Variants in SLC25A26 observed in about 807,000 individuals in gnomAD.
SLC25A26 encodes the protein mitochondrial S-adenosylmethionine carrier protein.
In SLC25A26, 36 loss-of-function variants were observed where a neutral mutation model predicts 37.8. That is an observed-to-expected ratio of 0.95 (90% CI 0.73 to 1.26). SLC25A26 has a LOEUF of 1.26. SLC25A26 is among the 50% of genes most tolerant of loss of function. The pLI is 0.00. For synonymous variants in SLC25A26, 129 were observed against 122.5 expected, an observed-to-expected ratio of 1.05 and a Z score of -0.35; for missense variants, 390 against 331.1, an observed-to-expected ratio of 1.18 and a Z score of -1.38.
chr3:66,174,828 C>G (rs1268293336), intron 1 of SLC25A26, among the ~76,000 whole-genome samples: 1 of 150,380 alleles, frequency 6.6e-6, no homozygotes, highest in Non-Finnish European at 1.5e-5. Flanking sequence ...AAAAAATGCG[C>G]TATGAAAAGT....
At chr3:66,334,386 C>G (rs1453464581) in intron 5 of SLC25A26, among the ~76,000 whole-genome samples, 1 of 152,140 alleles carries the variant, frequency 6.6e-6, no homozygotes, top group Admixed American at 6.5e-5. Context: ...ATGATCTCGG[C>G]TCAGTGCAGC....
Position 66,145,056 on chromosome 3 carries a change from TA to T in SLC25A26, c.-354+11074del, listed in dbSNP as rs572419604. ...ATGATGCATGCCAGAAGAAATCCCT[TA>T]AGAATTACTGTAAAATCAATGGATT... On this transcript the variant is annotated intron_variant, in intron 1 of 10. Transcript: ENST00000676754. Among the ~76,000 whole-genome samples, 55 of 152,238 alleles carry T rather than the reference TA, an allele frequency of 3.6e-4. No individual in the cohort carries two copies. In the South Asian group the frequency reaches 6.6e-3, roughly 18 times the overall value.
chr3:66,311,943 T>C (rs2075390519), intron 5 of SLC25A26, among the ~76,000 whole-genome samples: 1 of 151,812 alleles, frequency 6.6e-6, no homozygotes, highest in South Asian at 2.1e-4. Flanking sequence ...TCCTGGGAGG[T>C]GTCTCCCCAT....
intron 5 of SLC25A26, among the ~76,000 whole-genome samples, chr3:66,312,493 G>A (rs972979705): frequency 6.0e-5 from 9 of 149,900 alleles, no homozygotes; most frequent in Non-Finnish European, 1.0e-4. Flanking sequence ...GGAGTAAACA[G>A]TTCTGTCTCA....
At chr3:66,143,654 T>G (rs1576592675) in intron 1 of SLC25A26, among the ~76,000 whole-genome samples, 1 of 151,958 alleles carries the variant, frequency 6.6e-6, no homozygotes, top group South Asian at 2.1e-4. Context: ...GAGGCCAAGG[T>G]GGGTAGATTG....
chr3:66,211,349 C>T (rs1156307047), intron 1 of SLC25A26, among the ~76,000 whole-genome samples: 5 of 152,126 alleles, frequency 3.3e-5, no homozygotes, highest in African/African-American at 9.7e-5. Context: ...TGCCCTGAAG[C>T]TCTTTGGAAG....
intron 1 of SLC25A26, among the ~76,000 whole-genome samples, chr3:66,138,859 ATG>A (rs2069991012): frequency 6.6e-6 from 1 of 152,142 alleles, no homozygotes; most frequent in Non-Finnish European, 1.5e-5. Flanking sequence ...TGTGTGATTA[ATG>A]TGAATAGTAA....
rs543299677 is a variant in SLC25A26 at position 66,351,455 on chromosome 3, G to A, written c.498+5047G>A. ...TTCTGGCAGCCCAACAAGAAGAGAAGCATGATAGATTTCATGGTTTTTATT... is the reference window on the plus strand; with the variant it reads ...TTCTGGCAGCCCAACAAGAAGAGAAACATGATAGATTTCATGGTTTTTATT... On this transcript the variant is annotated intron_variant, in intron 6 of 9. Coordinates refer to ENST00000354883, the MANE Select transcript of SLC25A26 (RefSeq NM_001379210.1). Among the ~76,000 whole-genome samples the A allele has an allele frequency of 4.9e-4, 75 of 152,300 alleles. No individual in the cohort carries two copies. In the South Asian group the frequency reaches 0.015, roughly 30 times the overall value.
intron 1 of SLC25A26, among the ~76,000 whole-genome samples, chr3:66,234,400 G>A (rs929682947): frequency 2.0e-5 from 3 of 152,156 alleles, no homozygotes; most frequent in Non-Finnish European, 1.5e-5. Context: ...GAAATCCCAC[G>A]TTATTGGATA....
chr3:66,328,056 G>C (rs771306247), intron 5 of SLC25A26, among the ~76,000 whole-genome samples: 66 of 152,074 alleles, frequency 4.3e-4, no homozygotes, highest in African/African-American at 1.3e-3. Context: ...ATGGTTTTAT[G>C]GTCTCAGTGT....
chr3:66,174,617 TA>T (rs200658216), intron 1 of SLC25A26, among the ~76,000 whole-genome samples: 3 of 150,928 alleles, frequency 2.0e-5, no homozygotes, highest in South Asian at 2.1e-4. Flanking sequence ...CGTCTCTACT[TA>T]AAAAAAACAC....
At chr3:66,203,797 C>T (rs1210153700) in intron 1 of SLC25A26, among the ~76,000 whole-genome samples, 1 of 152,148 alleles carries the variant, frequency 6.6e-6, no homozygotes, top group Admixed American at 6.5e-5. Flanking sequence ...CTAGGGTCTG[C>T]TTGTTGAGCT....
intron 5 of SLC25A26, among the ~76,000 whole-genome samples, chr3:66,334,767 G>A (rs2076057023): frequency 6.6e-6 from 1 of 151,898 alleles, no homozygotes; most frequent in Admixed American, 6.6e-5. Context: ...CAGCTTTGAG[G>A]GCAGCCATAG....
intron 1 of SLC25A26, among the ~76,000 whole-genome samples, chr3:66,134,670 A>T (rs966723824): frequency 3.3e-5 from 5 of 152,234 alleles, no homozygotes; most frequent in African/African-American, 2.4e-5. Flanking sequence ...CAAAGGAATG[A>T]CTTAAAAATC....
chr3:66,205,165 A>G lies in SLC25A26; in HGVS notation c.-353-15577A>G, dbSNP rs957888964. 5.6e-4 allele frequency among the ~76,000 whole-genome samples: 86 copies of G among 152,304 alleles called. 3 individuals carry two copies. Among genetic ancestry groups the G allele is most frequent in the African/African-American group, 2.0e-3 (83 of 41,566 alleles). ...AACAAAAAGATTTTTGTGTTTATTT[A>G]TTGAGATTGTGCATGTACTATATTA... On this transcript the variant is annotated intron_variant, in intron 1 of 10. Coordinates refer to the SLC25A26 transcript ENST00000676754.
At chr3:66,143,698 A>G (rs1057324674) in intron 1 of SLC25A26, among the ~76,000 whole-genome samples, 16 of 152,282 alleles carry the variant, frequency 1.1e-4, no homozygotes, top group African/African-American at 3.6e-4. Flanking sequence ...AGTCTGGACA[A>G]CATAGCAAAA....
intron 1 of SLC25A26, among the ~76,000 whole-genome samples, chr3:66,179,420 C>G (rs1484773781): frequency 1.3e-5 from 2 of 152,134 alleles, no homozygotes. Context: ...TGAAACGTTT[C>G]CCCCTCAAAT....
At chr3:66,210,282 T>C (rs982847212) in intron 1 of SLC25A26, among the ~76,000 whole-genome samples, 3 of 151,888 alleles carry the variant, frequency 2.0e-5, no homozygotes, top group Non-Finnish European at 4.4e-5. Flanking sequence ...TCTAGAATTA[T>C]AGATTGCAAT....
intron 3 of SLC25A26, among the ~76,000 whole-genome samples, chr3:66,247,008 C>T (rs1255454604): frequency 6.6e-6 from 1 of 152,030 alleles, no homozygotes. Flanking sequence ...ACTACAGGCA[C>T]CCGCCACCAC....
Sources: allele counts gnomAD v4.1 joint callset (sites outside exome capture counted in the v4.1 genomes callset), GRCh38; gene constraint gnomAD v4.1.1; transcripts MANE v1.5; gene names NCBI Gene and HGNC (gene_info 2026-07-23, HGNC 2026-07-21).